The following UQCRB variants were observed in gnomAD, a reference collection of about 807,000 sequenced individuals.
UQCRB encodes the protein ubiquinol-cytochrome c reductase binding protein, also known as cytochrome b-c1 complex subunit 7.
In UQCRB, 12 loss-of-function variants were observed where a neutral mutation model predicts 19.8. The ratio of observed to expected loss-of-function variants is 0.61; its 90% CI spans 0.39 to 0.98. The LOEUF is 0.98. Ranked by LOEUF, UQCRB falls within the 50% of genes least tolerant of loss-of-function variation. UQCRB has a pLI of 0.00. For synonymous variants in UQCRB, 39 were observed against 42.9 expected (o/e 0.91, Z 0.35); for missense variants, 142 against 131.8 (o/e 1.08, Z -0.38).
chr8:96,232,565 C>T (rs1484275289), intron 2 of UQCRB: 1 of 155,134 alleles, frequency 6.4e-6, no homozygotes, highest in Non-Finnish European at 1.4e-5. Context: ...AGGCCGGGCG[C>T]AGTAGTGCAC....
rs1253900857 is a variant in UQCRB, at chr8:96,228,600, T to G, written c.*2455A>C. On this transcript the variant is annotated 3_prime_UTR_variant, in exon 4 of 4. Transcript: ENST00000287022. ...TTCTTTCTCGCTTCTCAGCACATAA[T>G]TTACATTATGCATACTATATGCCAG... is the stretch of plus-strand genomic sequence containing the variant. 1 of 454,008 alleles carries G rather than the reference T, an allele frequency of 2.2e-6. No individual in the cohort carries two copies. The highest frequency in any genetic ancestry group is 6.9e-5 in the East Asian group (1 of 14,408). 28.1% of individuals were successfully genotyped at this position (454,008 alleles called of 1,614,324 possible). A position where few individuals can be genotyped will look rare whatever the true frequency, so the allele number is the denominator to read the frequency against.
chr8:96,231,228 T>C, intron 3 of UQCRB, 96 bp from the exon 4 acceptor site: 1 of 1,611,558 alleles, frequency 6.2e-7, no homozygotes, highest in Non-Finnish European at 8.5e-7. Context: ...GCAATTACTT[T>C]TGAATTTCCA....
chr8:96,228,052 T>TA lies in UQCRB; in HGVS notation c.*3002dup. 2.2e-6 allele frequency: 1 copy of TA among 454,100 alleles called. No individual in the cohort carries two copies. 28.1% of individuals were successfully genotyped at this position (454,100 alleles called of 1,614,324 possible). A position where few individuals can be genotyped will look rare whatever the true frequency, so the allele number is the denominator to read the frequency against. ...GGGGGTCTGAAGGCCCGACATCCCTTACGCTGCTTCCTACATCTTGACAAC... is the reference window on the plus strand; with the variant it reads ...GGGGGTCTGAAGGCCCGACATCCCTTAACGCTGCTTCCTACATCTTGACAAC... On this transcript the variant is annotated 3_prime_UTR_variant, in exon 4 of 4. Transcript: ENST00000287022.
rs149545159 is a variant in UQCRB, at chr8:96,229,968, C to A, written c.*1087G>T. 0.019 allele frequency: 8,601 copies of A among 454,120 alleles called. 846 individuals are homozygous for A. Among genetic ancestry groups the A allele is most frequent in the Admixed American group, 0.18 (7,685 of 42,578 alleles). 28.1% of individuals were successfully genotyped at this position (454,120 alleles called of 1,614,324 possible). Reference sequence around the variant, plus strand: ...ACAGCAATGACTTGTCCTGGAAAACCAGGGAGGCTGCAGGTCCTACTGTTC... The same window carrying A: ...ACAGCAATGACTTGTCCTGGAAAACAAGGGAGGCTGCAGGTCCTACTGTTC... On this transcript the variant is annotated 3_prime_UTR_variant, in exon 4 of 4. Coordinates refer to ENST00000287022, the MANE Select transcript of UQCRB (RefSeq NM_006294.5).
chr8:96,233,413 T>G, intron 1 of UQCRB, 186 bp from the exon 2 acceptor site: 1 of 589,440 alleles, frequency 1.7e-6, no homozygotes, highest in Non-Finnish European at 2.9e-6. Flanking sequence ...AGAAAAAAGT[T>G]TATACTCTAT....
intron 1 of UQCRB, chr8:96,235,008 T>G (rs1169877956): frequency 4.1e-6 from 1 of 243,358 alleles, no homozygotes; most frequent in Non-Finnish European, 8.2e-6. Flanking sequence ...GCGCGAGGGG[T>G]GCAATGATAT....
chr8:96,231,252 T>G lies in UQCRB; in HGVS notation c.259-120A>C, dbSNP rs776841642. On this transcript the variant is annotated intron_variant, in intron 3 of 3. Transcript: ENST00000287022. ...TTTGAATTTCCAATTTTAGAAAACA[T>G]ATTCTCAACCTAAGAACTATCTGCT... The G allele has an allele frequency of 1.1e-5, 18 of 1,595,014 alleles. No individual in the cohort carries two copies. The African/African-American group carries it at 1.6e-4, about 14-fold the overall frequency.
At chr8:96,235,137 G>A in intron 1 of UQCRB, 1 of 416,206 alleles carries the variant, frequency 2.4e-6, no homozygotes, top group Non-Finnish European at 4.5e-6. Flanking sequence ...ACACGATAGA[G>A]CACTTGGGTC....
rs930695170 is a variant in UQCRB, at chr8:96,230,860, A to G, written c.*195T>C. The G allele has an allele frequency of 1.4e-6, 1 of 730,532 alleles. No homozygotes were observed. Among genetic ancestry groups the G allele is most frequent in the African/African-American group, 1.7e-5 (1 of 57,428 alleles). The allele number at this position is 730,532 out of a possible 1,614,324, so 45.3% of individuals were successfully genotyped here. ...GTTAAACACAACTAAATATATCTTG[A>G]AAGTTTGGAAAAAAATTTAACAGTA... On this transcript the variant is annotated 3_prime_UTR_variant, in exon 4 of 4. Coordinates refer to ENST00000287022, the MANE Select transcript of UQCRB (RefSeq NM_006294.5).
chr8:96,231,120 G>A lies in UQCRB; in HGVS notation c.271C>T (p.Leu91Phe), dbSNP rs1374176758. Residue 91 changes from leucine (L) to phenylalanine (F), a missense_variant, in exon 4 of 4, where the codon CTT becomes TTT. By Grantham distance (22) the Leu-to-Phe change is conservative. Coordinates refer to ENST00000287022, the MANE Select transcript of UQCRB (RefSeq NM_006294.5). The part of the protein sequence containing the change: ...WTKYEEENFY[L>F]EPYLKEVIRE... ...ATAACCTCTTTCAGATACGGTTCAA[G>A]GTAGAAATTTTCCTAAAGAATGAAT... The A allele has an allele frequency of 2.5e-6, 4 of 1,613,828 alleles. No homozygotes were observed. Among genetic ancestry groups the A allele is most frequent in the African/African-American group, 1.3e-5 (1 of 74,868 alleles).
Position 96,223,302 on chromosome 8 carries a change from G to T in UQCRB, c.*7753C>A, listed in dbSNP as rs1364332282. Among the ~76,000 whole-genome samples, 2 of 152,072 alleles carry T rather than the reference G, an allele frequency of 1.3e-5. No individual in the cohort carries two copies. The highest frequency in any genetic ancestry group is 2.9e-5 in the Non-Finnish European group (2 of 68,004). ...CATGCTGTACACCTTAAATAAAAAA[G>T]AAAAGACAACATAGCAATTTCAAGG... is the stretch of plus-strand genomic sequence containing the variant. On this transcript the variant is annotated 3_prime_UTR_variant, in exon 4 of 4. Transcript: ENST00000287022.
At chr8:96,231,569 C>T in intron 3 of UQCRB, 2 of 1,382,444 alleles carry the variant, frequency 1.4e-6, no homozygotes, top group Non-Finnish European at 2.0e-6. Context: ...TAGAGACTTG[C>T]TTAGTAATTT....
At chr8:96,234,357 T>C in intron 1 of UQCRB, 1 of 449,150 alleles carries the variant, frequency 2.2e-6, no homozygotes, top group African/African-American at 2.1e-5. Context: ...CACTTTCCTA[T>C]TTGCTTTACC....
rs1358545035 is a variant in UQCRB at position 96,227,443 on chromosome 8, T to A, written c.*3612A>T. On this transcript the variant is annotated 3_prime_UTR_variant, in exon 4 of 4. Coordinates refer to ENST00000287022, the MANE Select transcript of UQCRB (RefSeq NM_006294.5). ...AGTGGCAGAATTTCATGCCTTGTTC[T>A]AATAAAGGGATTTTCCTTGTTTTCC... The A allele has an allele frequency of 2.2e-6, 1 of 454,124 alleles. No homozygotes were observed. Among genetic ancestry groups the A allele is most frequent in the Non-Finnish European group, 4.4e-6 (1 of 226,804 alleles). 28.1% of individuals were successfully genotyped at this position (454,124 alleles called of 1,614,324 possible). A position where few individuals can be genotyped will look rare whatever the true frequency, so the allele number is the denominator to read the frequency against.
Position 96,227,112 on chromosome 8 carries a change from A to G in UQCRB, c.*3943T>C. On this transcript the variant is annotated 3_prime_UTR_variant, in exon 4 of 4. Coordinates refer to ENST00000287022, the MANE Select transcript of UQCRB (RefSeq NM_006294.5). ...CTATAGACTTTATTAGGTGTTCCTT[A>G]TACAGTCATCTGGTATGTTTAAAGA... 4.4e-6 allele frequency: 2 copies of G among 453,198 alleles called. No homozygotes were observed. The highest frequency in any genetic ancestry group is 8.8e-6 in the Non-Finnish European group (2 of 226,452). 28.1% of individuals were successfully genotyped at this position (453,198 alleles called of 1,614,324 possible). A position where few individuals can be genotyped will look rare whatever the true frequency, so the allele number is the denominator to read the frequency against.
chr8:96,234,283 G>C (rs1474789459), intron 1 of UQCRB: 1 of 283,374 alleles, frequency 3.5e-6, no homozygotes, highest in South Asian at 3.0e-5. Context: ...GTGGAAGACA[G>C]ATTATATTCA....
intron 3 of UQCRB, 132 bp downstream of exon 3, chr8:96,231,642 G>T: frequency 7.1e-7 from 1 of 1,410,788 alleles, no homozygotes; most frequent in Non-Finnish European, 9.9e-7. Flanking sequence ...AATAACATTT[G>T]CTTTATTAAC....
intron 1 of UQCRB, chr8:96,234,650 A>C: frequency 2.0e-6 from 1 of 497,650 alleles, no homozygotes; most frequent in Non-Finnish European, 3.5e-6. Flanking sequence ...CAGCTTCACA[A>C]TTGCTGGGGG....
At position 96,228,204 on chromosome 8, in the gene UQCRB, TTTC is replaced by T. The variant is rs1307885881; in HGVS notation, c.*2848_*2850del. 4.4e-6 allele frequency: 2 copies of T among 453,998 alleles called. No homozygotes were observed. The highest frequency in any genetic ancestry group is 2.0e-5 in the African/African-American group (1 of 49,998). 28.1% of individuals were successfully genotyped at this position (453,998 alleles called of 1,614,324 possible). On this transcript the variant is annotated 3_prime_UTR_variant, in exon 4 of 4. Coordinates refer to ENST00000287022, the MANE Select transcript of UQCRB (RefSeq NM_006294.5). Reference sequence around the variant, plus strand: ...CCACTTCAGAGTAAACAAACATAACTTTCTTCAAGATGTAGGAAAACTGTATAT... The same window carrying T: ...CCACTTCAGAGTAAACAAACATAACTTTCAAGATGTAGGAAAACTGTATAT...
Sources: gnomAD v4.1 joint callset for allele counts (sites outside exome capture counted in the v4.1 genomes callset) on GRCh38, gnomAD v4.1.1 for gene constraint, MANE v1.5 for transcripts, NCBI Gene and HGNC (gene_info 2026-07-23, HGNC 2026-07-21) for gene names.